MDN1: variants seen among roughly 807,000 people sequenced by gnomAD.
The protein encoded by MDN1 is midasin AAA ATPase 1.
Under a neutral mutation model 669.2 loss-of-function variants are expected in MDN1, and 266 were observed. The observed-to-expected ratio is 0.40, with a 90% CI of 0.36 to 0.44. The LOEUF (loss-of-function observed/expected upper bound fraction) is 0.44, where lower values mean the gene tolerates loss of function less well. Among genes scored for constraint, MDN1 ranks in the 20% least tolerant of loss-of-function variants. MDN1 has a pLI of 1.00. For missense variants in MDN1, 5,940 were observed against 6,754.0 expected (o/e 0.88, Z 4.22); for synonymous variants, 2,385 against 2,457.1 (o/e 0.97, Z 0.87).
At chr6:89,648,989 TA>T (rs35332439) in intron 97 of MDN1, among the ~76,000 whole-genome samples, 2,208 of 134,912 alleles carry the variant, frequency 0.016, 32 homozygotes, top group African/African-American at 0.048. Flanking sequence ...ACCCTGTCTT[TA>T]AAAAAAAAAA....
intron 13 of MDN1, among the ~76,000 whole-genome samples, chr6:89,773,401 G>A (rs113871468): frequency 6.6e-6 from 1 of 151,914 alleles, no homozygotes; most frequent in South Asian, 2.1e-4. Flanking sequence ...TTACCCAGGC[G>A]TGGTGGTGGA....
At chr6:89,676,873 A>G (rs1811228102) in intron 76 of MDN1, among the ~76,000 whole-genome samples, 1 of 152,172 alleles carries the variant, frequency 6.6e-6, no homozygotes, top group Non-Finnish European at 1.5e-5. Flanking sequence ...CTGTCTCAAT[A>G]GTGTATGGAC....
rs533258231 is a variant in MDN1, at chr6:89,750,459, T to C, written c.3301A>G (p.Thr1101Ala). 5.6e-6 allele frequency: 9 copies of C among 1,614,098 alleles called. No individual in the cohort carries two copies. The African/African-American group carries it at 1.1e-4, about 19-fold the overall frequency. Residue 1101 changes from threonine (T) to alanine (A), a missense_variant, in exon 24 of 102, where the codon ACT becomes GCT. Thr to Ala is a moderately conservative substitution (Grantham distance 58). Coordinates refer to ENST00000369393, the MANE Select transcript of MDN1 (RefSeq NM_014611.3). ...TTAATACGCACACAGTGGTTGCCAG[T>C]AGCTGCAGCCAGCCACTGGATCAGG... The part of the protein sequence containing the change: ...TSLIQWLAAA[T>A]GNHCVRINNH...
Position 89,671,035 on chromosome 6 carries a change from G to A in MDN1, c.13840C>T (p.Leu4614Phe). 1 of 1,614,134 alleles carries A rather than the reference G, an allele frequency of 6.2e-7. No homozygotes were observed. The highest frequency in any genetic ancestry group is 8.5e-7 in the Non-Finnish European group (1 of 1,180,024). Residue 4614 changes from leucine to phenylalanine, a missense_variant, in exon 83 of 102, where the codon CTC (leucine) becomes TTC (phenylalanine). Transcript: ENST00000369393. ...CSLLVRLVPVLSSYSDLVLFF... is the reference protein window; with the variant it reads ...CSLLVRLVPVFSSYSDLVLFF... The stretch of plus-strand genomic sequence containing the variant: ...AGGACGAGGTCTGAGTAGCTGGAGA[G>A]GACCGGCACCAGGCGCACCAGCAAG...
chr6:89,688,037 C>T, intron 67 of MDN1, 41 bp downstream of exon 67: 1 of 1,535,124 alleles, frequency 6.5e-7, no homozygotes, highest in Non-Finnish European at 9.0e-7. Context: ...CTTTTGCCAA[C>T]TGACCACCAA....
intron 17 of MDN1, 105 bp downstream of exon 17, chr6:89,761,540 C>T: frequency 1.4e-6 from 1 of 719,096 alleles, no homozygotes; most frequent in Non-Finnish European, 2.1e-6. Context: ...AATCTTCCCC[C>T]AAAATCATTA....
Position 89,744,116 on chromosome 6 carries a change from A to AC in MDN1, c.4179-403_4179-402insG, listed in dbSNP as rs1362840888. Reference sequence around the variant, plus strand: ...GGAATGCCTTCTTAAAAAAAAAAAAAAAAAAAAAAAAAAAACCACCACCAA... The same window carrying AC: ...GGAATGCCTTCTTAAAAAAAAAAAAACAAAAAAAAAAAAAAACCACCACCAA... On this transcript the variant is annotated intron_variant, in intron 29 of 101. Transcript: ENST00000369393. Among the ~76,000 whole-genome samples, 62 of 144,818 alleles carry AC rather than the reference A, an allele frequency of 4.3e-4. 1 individual carries two copies. Among genetic ancestry groups the AC allele is most frequent in the Middle Eastern group, 3.5e-3 (1 of 284 alleles).
chr6:89,789,440 A>G (rs764511416), intron 7 of MDN1, among the ~76,000 whole-genome samples: 13 of 152,202 alleles, frequency 8.5e-5, no homozygotes, highest in African/African-American at 1.2e-4. Context: ...ATGTACATGT[A>G]ACATGGCTGA....
Position 89,674,205 on chromosome 6 carries a change from CTG to C in MDN1, c.13144_13145del (p.Gln4382ValfsTer13). The C allele has an allele frequency of 6.2e-7, 1 of 1,614,214 alleles. No individual in the cohort carries two copies. Among genetic ancestry groups the C allele is most frequent in the Non-Finnish European group, 8.5e-7 (1 of 1,180,046 alleles). ...RMRKQDHLWQ[Q>X]STTRLTEMLK... is the part of the protein sequence containing the mutation. ...GCATCTCTGTTAATCTCGTAGTTGA[CTG>C]TTGCCAAAGGTGATCCTGTTTCCGC... is the stretch of plus-strand genomic sequence containing the variant. On this transcript the variant is annotated frameshift_variant, in exon 79 of 102. Coordinates refer to ENST00000369393, the MANE Select transcript of MDN1 (RefSeq NM_014611.3). LOFTEE classifies it high-confidence loss of function.
At chr6:89,717,142 A>G (rs1456479949) in intron 43 of MDN1, among the ~76,000 whole-genome samples, 2 of 152,230 alleles carry the variant, frequency 1.3e-5, no homozygotes, top group Admixed American at 6.5e-5. Context: ...TGAAAGTGCT[A>G]TAACTTCACA....
intron 33 of MDN1, among the ~76,000 whole-genome samples, chr6:89,734,902 T>G (rs1451696013): frequency 1.3e-5 from 2 of 151,592 alleles, no homozygotes; most frequent in Non-Finnish European, 2.9e-5. Context: ...CTTGGTTGTT[T>G]TTTTTTTTGA....
At chr6:89,805,583 T>C (rs369031133) in intron 1 of MDN1, among the ~76,000 whole-genome samples, 1 of 152,134 alleles carries the variant, frequency 6.6e-6, no homozygotes, top group Non-Finnish European at 1.5e-5. Flanking sequence ...AGGCTCACCC[T>C]AGTCACCTAT....
chr6:89,689,787 G>T, intron 65 of MDN1, 83 bp downstream of exon 65: 2 of 1,451,754 alleles, frequency 1.4e-6, no homozygotes, highest in Non-Finnish European at 1.9e-6. Flanking sequence ...AAATTCATGA[G>T]TGTGATTGTT....
intron 1 of MDN1, among the ~76,000 whole-genome samples, chr6:89,818,637 C>G (rs1769012082): frequency 6.6e-6 from 1 of 151,764 alleles, no homozygotes; most frequent in Admixed American, 6.6e-5. Flanking sequence ...TGGTGAAACC[C>G]CGTCTCTACT....
intron 40 of MDN1, among the ~76,000 whole-genome samples, chr6:89,720,281 A>C (rs1814722776): frequency 6.6e-6 from 1 of 151,870 alleles, no homozygotes; most frequent in Non-Finnish European, 1.5e-5. Flanking sequence ...CAGAGGGTTA[A>C]AATTACAAAT....
At position 89,655,653 on chromosome 6, in the gene MDN1, T is replaced by C; in HGVS notation, c.15490+111A>G. 3 of 1,031,792 alleles carry C rather than the reference T, an allele frequency of 2.9e-6. No homozygotes were observed. The South Asian group carries it at 4.9e-5, about 17-fold the overall frequency. 63.9% of individuals were successfully genotyped at this position (1,031,792 alleles called of 1,614,324 possible). A position where few individuals can be genotyped will look rare whatever the true frequency, so the allele number is the denominator to read the frequency against. On this transcript the variant is annotated intron_variant, in intron 92 of 101. Transcript: ENST00000369393. ...GATCATTAAACATTGTATACATGTA[T>C]CAAAACCTCACACTGTACCCCACAA... is the stretch of plus-strand genomic sequence containing the variant.
rs116003199 is a variant in MDN1 at position 89,677,611 on chromosome 6, G to A, written c.12498C>T (p.Ser4166=). 144 of 1,614,158 alleles carry A rather than the reference G, an allele frequency of 8.9e-5. No individual in the cohort carries two copies. The highest frequency in any genetic ancestry group is 1.5e-4 in the African/African-American group (11 of 75,014). Residue 4166 remains serine, a synonymous_variant, in exon 76 of 102, where the codon AGC becomes AGT. Transcript: ENST00000369393. ...MLHLHPLDLQ[S]ALSIVSSTQE... ...GAGTGCTGCTGACGATGGACAATGC[G>A]CTCTGGAGATCTAATGGGTGAAGAT... is the stretch of plus-strand genomic sequence containing the variant.
intron 53 of MDN1, 94 bp downstream of exon 53, chr6:89,705,965 T>C: frequency 8.7e-7 from 1 of 1,156,048 alleles, no homozygotes; most frequent in South Asian, 2.0e-5. Flanking sequence ...ATTGGGCATA[T>C]AACAACACTA....
At chr6:89,686,178 A>G (rs929853389) in intron 69 of MDN1, among the ~76,000 whole-genome samples, 2 of 152,186 alleles carry the variant, frequency 1.3e-5, no homozygotes, top group African/African-American at 4.8e-5. Flanking sequence ...TAATCCCAGC[A>G]CTCTGGGAGG....
Sources: allele counts gnomAD v4.1 joint callset (sites outside exome capture counted in the v4.1 genomes callset), GRCh38; gene constraint gnomAD v4.1.1; transcripts MANE v1.5; gene names NCBI Gene and HGNC (gene_info 2026-07-23, HGNC 2026-07-21).